The following SLC13A4 variants were observed in gnomAD, a reference collection of about 807,000 sequenced individuals.
SLC13A4 encodes Na(+)/sulfate cotransporter SUT-1.
A neutral mutation model predicts 72.7 loss-of-function variants in SLC13A4; 28 were observed. The observed-to-expected ratio is 0.39, with a 90% CI of 0.29 to 0.53. SLC13A4 has a LOEUF of 0.53. SLC13A4 is among the 20% of genes least tolerant of loss of function. The probability of loss-of-function intolerance (pLI) is 0.78; values close to 1 mark genes in which losing one functional copy is unlikely to be tolerated. For synonymous variants in SLC13A4, 312 were observed against 325.5 expected, an observed-to-expected ratio of 0.96 and a Z score of 0.45; for missense variants, 653 against 788.0, an observed-to-expected ratio of 0.83 and a Z score of 2.05.
rs941436169 is a variant in SLC13A4 at position 135,687,456 on chromosome 7, C to T, written c.1447-1773G>A. Among the ~76,000 whole-genome samples, 2 of 152,254 alleles carry T rather than the reference C, an allele frequency of 1.3e-5. 1 individual carries two copies. The highest frequency in any genetic ancestry group is 2.9e-5 in the Non-Finnish European group (2 of 68,048). On this transcript the variant is annotated intron_variant, in intron 13 of 15. Coordinates refer to ENST00000682651, the MANE Select transcript of SLC13A4 (RefSeq NM_001318192.2). ...AATTCATCAAAAGCTCATTTCATCT[C>T]TACAGTACCCTGGCCACCTCCTGGC...
chr7:135,699,497 T>C lies in SLC13A4; in HGVS notation c.766A>G (p.Lys256Glu), dbSNP rs1432154013. 1.2e-6 allele frequency: 2 copies of C among 1,611,954 alleles called. No homozygotes were observed. The highest frequency in any genetic ancestry group is 1.7e-6 in the Non-Finnish European group (2 of 1,178,998). ...PSPRKQKLNR[K>E]YRSHHDQMIC... ...ATCTGGTCATGGTGGGACCTGTACTTTCTGTTCAGCTTCTGCTTCCTGGGG... is the reference window on the plus strand; with the variant it reads ...ATCTGGTCATGGTGGGACCTGTACTCTCTGTTCAGCTTCTGCTTCCTGGGG... The change falls in exon 8 of 16, where the codon AAG (lysine) becomes GAG (glutamate). Residue 256 changes from lysine (K) to glutamate (E), a missense_variant. Coordinates refer to ENST00000682651, the MANE Select transcript of SLC13A4 (RefSeq NM_001318192.2).
chr7:135,723,119 G>T (rs1017985153), intron 1 of SLC13A4, among the ~76,000 whole-genome samples: 2 of 152,154 alleles, frequency 1.3e-5, no homozygotes, highest in Admixed American at 6.5e-5. Context: ...GAGGTAAAAT[G>T]ATTCCTGGTT....
chr7:135,690,915 A>C (rs1438987606), intron 13 of SLC13A4, among the ~76,000 whole-genome samples: 1 of 152,206 alleles, frequency 6.6e-6, no homozygotes, highest in East Asian at 1.9e-4. Flanking sequence ...CTGTCATCCC[A>C]GCATTTTGGG....
chr7:135,687,249 G>T (rs772904514), intron 13 of SLC13A4, among the ~76,000 whole-genome samples: 1 of 152,060 alleles, frequency 6.6e-6, no homozygotes, highest in East Asian at 1.9e-4. Flanking sequence ...ATGGTGACAG[G>T]CTCTGCCTTT....
intron 3 of SLC13A4, chr7:135,707,628 G>C (rs1269099499): frequency 6.6e-6 from 1 of 152,634 alleles, no homozygotes; most frequent in East Asian, 1.9e-4. Context: ...CATTCCCCGA[G>C]GGTGGGACTC....
intron 10 of SLC13A4, among the ~76,000 whole-genome samples, chr7:135,693,873 T>G (rs1795845894): frequency 6.6e-6 from 1 of 152,228 alleles, no homozygotes; most frequent in Non-Finnish European, 1.5e-5. Context: ...TCCCTTCTTC[T>G]GCCTCTGTCT....
chr7:135,705,472 G>T, intron 5 of SLC13A4, 124 bp downstream of exon 5: 1 of 831,926 alleles, frequency 1.2e-6, no homozygotes, highest in African/African-American at 1.7e-5. Context: ...GGGGGGTGGT[G>T]TGGCAAGGTG....
In SLC13A4 at chr7:135,699,442, G is replaced by A; in HGVS notation, c.821C>T (p.Ser274Phe). The A allele has an allele frequency of 6.2e-7, 1 of 1,613,602 alleles. No homozygotes were observed. Among genetic ancestry groups the A allele is most frequent in the Non-Finnish European group, 8.5e-7 (1 of 1,179,784 alleles). Residue 274 changes from serine (S) to phenylalanine (F), a missense_variant, in exon 8 of 16, where the codon TCC (serine) becomes TTC (phenylalanine). Coordinates refer to ENST00000682651, the MANE Select transcript of SLC13A4 (RefSeq NM_001318192.2). ...CAGGCCGCCAATGGTAGCGGAGTAGGATATGCTCAGGGAGAGGCACTTGCA... is the reference window on the plus strand; with the variant it reads ...CAGGCCGCCAATGGTAGCGGAGTAGAATATGCTCAGGGAGAGGCACTTGCA... ...MICKCLSLSI[S>F]YSATIGGLTT...
chr7:135,711,963 A>ATTTTTTTTTTTTT (rs529940903), intron 2 of SLC13A4, among the ~76,000 whole-genome samples: 3 of 46,900 alleles, frequency 6.4e-5, no homozygotes, highest in Non-Finnish European at 1.2e-4. Context: ...ATGTTTTTGG[A>ATTTTTTTTTTTTT]TTTTTTTTTT....
chr7:135,725,607 AC>A (rs749946741), intron 1 of SLC13A4, among the ~76,000 whole-genome samples: 4 of 152,028 alleles, frequency 2.6e-5, no homozygotes, highest in Non-Finnish European at 2.9e-5. Context: ...GTACTCCATC[AC>A]TGCTCTCAAC....
In SLC13A4 at chr7:135,681,561, C is replaced by T; in HGVS notation, c.*2G>A. 1.9e-6 allele frequency: 3 copies of T among 1,612,348 alleles called. No individual in the cohort carries two copies. Among genetic ancestry groups the T allele is most frequent in the South Asian group, 1.1e-5 (1 of 90,832 alleles). On this transcript the variant is annotated 3_prime_UTR_variant, in exon 16 of 16. Transcript: ENST00000682651. The stretch of plus-strand genomic sequence containing the variant: ...TGGTTGGGCCAGTTTGTACACTTGG[C>T]GTTAGGCTTGATCAGTGATGTTGCT...
At chr7:135,727,373 C>G (rs781520954) in intron 1 of SLC13A4, 25 bp downstream of exon 1, 10 of 1,546,098 alleles carry the variant, frequency 6.5e-6, no homozygotes, top group Middle Eastern at 2.2e-4. Flanking sequence ...TCCCAGACCC[C>G]CGGTGGGCGC....
At chr7:135,701,531 C>T (rs545727792) in intron 7 of SLC13A4, 149 bp downstream of exon 7, 16 of 736,730 alleles carry the variant, frequency 2.2e-5, no homozygotes, top group East Asian at 2.8e-5. Flanking sequence ...ACCTCCATGG[C>T]GCACACAGGC....
rs200429456 is a variant in SLC13A4 at position 135,708,191 on chromosome 7, C to T, written c.288G>A (p.Ala96=). The change falls in exon 3 of 16, where the codon GCG becomes GCA. Residue 96 remains alanine (A), a synonymous_variant. Coordinates refer to ENST00000682651, the MANE Select transcript of SLC13A4 (RefSeq NM_001318192.2). ...TLLLVGVICV[A]AAVEKWNLHK... ...GCAGGTTCCACTTCTCCACGGCAGCCGCCACGCAGATGACCCCCACCAGCA... is the reference window on the plus strand; with the variant it reads ...GCAGGTTCCACTTCTCCACGGCAGCTGCCACGCAGATGACCCCCACCAGCA... The T allele has an allele frequency of 2.9e-5, 47 of 1,614,220 alleles. No individual in the cohort carries two copies. In the Admixed American group the frequency reaches 5.3e-4, roughly 18 times the overall value.
At position 135,705,611 on chromosome 7, in the gene SLC13A4, A is replaced by G; in HGVS notation, c.578T>C (p.Ile193Thr). 6.2e-7 allele frequency: 1 copy of G among 1,614,080 alleles called. No homozygotes were observed. The highest frequency in any genetic ancestry group is 8.5e-7 in the Non-Finnish European group (1 of 1,179,988). The change falls in exon 5 of 16, where the codon ATC becomes ACC. Residue 193 changes from isoleucine (I) to threonine (T), a missense_variant. Coordinates refer to ENST00000682651, the MANE Select transcript of SLC13A4 (RefSeq NM_001318192.2). ...TCATACTCACTCTTCATTGACAAAG[A>G]TGAGTTCCAGAGAAGGTTGGCTGTT... ...VKNSQPSLEL[I>T]FVNEDRSNAD...
intron 2 of SLC13A4, among the ~76,000 whole-genome samples, chr7:135,715,859 C>A: frequency 6.6e-6 from 1 of 152,286 alleles, no homozygotes; most frequent in East Asian, 1.9e-4. Context: ...TAAAAACAAA[C>A]ACACACAAAC....
intron 4 of SLC13A4, 76 bp downstream of exon 4, chr7:135,706,051 TC>T: frequency 7.0e-7 from 1 of 1,429,374 alleles, no homozygotes; most frequent in Non-Finnish European, 9.4e-7. Context: ...TTGGGCAGTC[TC>T]CCTAGAGGAG....
chr7:135,705,965 G>GA (rs1796150219), intron 4 of SLC13A4, 163 bp downstream of exon 4: 1 of 632,388 alleles, frequency 1.6e-6, no homozygotes, highest in Non-Finnish European at 2.6e-6. Context: ...CAAGAGCTGG[G>GA]ATGGGAAAGA....
intron 7 of SLC13A4, among the ~76,000 whole-genome samples, chr7:135,701,329 A>G (rs765229320): frequency 1.1e-4 from 17 of 152,198 alleles, no homozygotes; most frequent in Non-Finnish European, 2.4e-4. Context: ...CAGGAAGACA[A>G]TTATTAGTTC....
Sources: allele counts gnomAD v4.1 joint callset (sites outside exome capture counted in the v4.1 genomes callset), GRCh38; gene constraint gnomAD v4.1.1; transcripts MANE v1.5; gene names NCBI Gene and HGNC (gene_info 2026-07-23, HGNC 2026-07-21).